ZNF346: variants seen among roughly 807,000 people sequenced by gnomAD.
ZNF346 encodes the protein zinc finger protein 346.
ZNF346 carries 23 observed loss-of-function variants against 33.7 expected under a neutral mutation model. The observed-to-expected ratio is 0.68, with a 90% CI of 0.49 to 0.97. The LOEUF (loss-of-function observed/expected upper bound fraction) is 0.97, where lower values mean the gene tolerates loss of function less well. ZNF346 is among the 50% of genes least tolerant of loss of function. The probability of loss-of-function intolerance (pLI) is 0.00; values close to 1 mark genes in which losing one functional copy is unlikely to be tolerated. For missense variants in ZNF346, 340 were observed against 371.1 expected, an observed-to-expected ratio of 0.92 and a Z score of 0.69; for synonymous variants, 134 against 142.4, an observed-to-expected ratio of 0.94 and a Z score of 0.42.
rs1783789629 is a variant in ZNF346 at position 177,077,154 on chromosome 5, T to C, written c.*3-2228T>C. On this transcript the variant is annotated intron_variant, in intron 8 of 8. Transcript: ENST00000503039. The surrounding 1 kb of genome is among the most constrained non-coding windows in gnomAD (Gnocchi z 5.0). Reference sequence around the variant, plus strand: ...CGTTAAGTTTAAAAGTAATGTGTTATGAAGCAATGGATAACTAATACAGGT... The same window carrying C: ...CGTTAAGTTTAAAAGTAATGTGTTACGAAGCAATGGATAACTAATACAGGT... 6.6e-6 allele frequency among the ~76,000 whole-genome samples: 1 copy of C among 152,262 alleles called. No homozygotes were observed. Among genetic ancestry groups the C allele is most frequent in the South Asian group, 2.1e-4 (1 of 4,838 alleles).
At chr5:177,060,392 A>G (rs251849) in intron 5 of ZNF346, among the ~76,000 whole-genome samples, 87,745 of 151,540 alleles carry the variant, frequency 0.58, 27,130 homozygotes, top group African/African-American at 0.81. Flanking sequence ...GTGGTGGTGC[A>G]CGCCTGTAAT....
intron 8 of ZNF346, among the ~76,000 whole-genome samples, chr5:177,076,935 G>GGAGGCT (rs1302820197): frequency 6.6e-6 from 1 of 152,124 alleles, no homozygotes; most frequent in African/African-American, 2.4e-5. Context: ...CAGCTACTTG[G>GGAGGCT]GAGGCTGAGG....
chr5:177,062,976 A>G (rs150125747), intron 6 of ZNF346, among the ~76,000 whole-genome samples: 4 of 152,188 alleles, frequency 2.6e-5, no homozygotes, highest in Non-Finnish European at 5.9e-5. Context: ...ATATGAAGAG[A>G]ATAGGGCCTG....
chr5:177,039,601 A>G (rs1280568750), intron 1 of ZNF346, among the ~76,000 whole-genome samples: 2 of 152,084 alleles, frequency 1.3e-5, no homozygotes, highest in Admixed American at 6.5e-5. Context: ...AGCTGGAACC[A>G]CAGGCATGTG....
At chr5:177,031,057 A>T (rs568223655) in intron 1 of ZNF346, among the ~76,000 whole-genome samples, 1 of 151,496 alleles carries the variant, frequency 6.6e-6, no homozygotes, top group African/African-American at 2.4e-5. Context: ...TTGTTTTGAG[A>T]CAGAGTCTCG....
At chr5:177,031,092 G>A (rs1432159578) in intron 1 of ZNF346, among the ~76,000 whole-genome samples, 4 of 152,026 alleles carry the variant, frequency 2.6e-5, no homozygotes, top group African/African-American at 9.7e-5. Context: ...CTGGAGTGCA[G>A]TGGCGCGATC....
chr5:177,040,073 C>G (rs985243804), intron 1 of ZNF346, among the ~76,000 whole-genome samples: 1 of 151,220 alleles, frequency 6.6e-6, no homozygotes, highest in South Asian at 2.1e-4. Context: ...CCCAACTACT[C>G]GGGAGGCTGA....
At chr5:177,061,174 C>T (rs1273079031) in intron 5 of ZNF346, among the ~76,000 whole-genome samples, 2 of 146,000 alleles carry the variant, frequency 1.4e-5, no homozygotes, top group East Asian at 2.1e-4. Context: ...AGGCCGGGTG[C>T]GGTAGCTCAC....
chr5:177,033,445 G>A (rs1778010078), intron 1 of ZNF346, among the ~76,000 whole-genome samples: 2 of 152,146 alleles, frequency 1.3e-5, no homozygotes, highest in South Asian at 4.1e-4. Context: ...CTAATAAGCT[G>A]GGTAGTAAAT....
At chr5:177,057,307 C>A (rs960500828) in intron 5 of ZNF346, among the ~76,000 whole-genome samples, 1 of 134,080 alleles carries the variant, frequency 7.5e-6, no homozygotes. Context: ...AAAAAAAAGA[C>A]CTGTGTCTCT....
chr5:177,064,738 C>G lies in ZNF346; in HGVS notation c.*139C>G, dbSNP rs144050595. ...GAGGCAGGATTGGGCCACAGACAGC[C>G]TCTCATTGGTCCGGGCTAATTCACT... is the stretch of plus-strand genomic sequence containing the variant. On this transcript the variant is annotated 3_prime_UTR_variant, in exon 7 of 7. Transcript: ENST00000358149. 1.8e-4 allele frequency: 128 copies of G among 692,104 alleles called. 1 individual carries two copies. The African/African-American group carries it at 1.9e-3, about 10-fold the overall frequency. The allele number at this position is 692,104 out of a possible 1,614,324, so 42.9% of individuals were successfully genotyped here. A position where few individuals can be genotyped will look rare whatever the true frequency, so the allele number is the denominator to read the frequency against.
At chr5:177,079,595 G>T (rs184595990) in exon 9 of ZNF346, 42 of 152,300 alleles carry the variant, frequency 2.8e-4, no homozygotes, top group African/African-American at 9.9e-4. Context: ...ACCTCTGGAC[G>T]TGGGGCTAAG....
At chr5:177,046,300 CA>C (rs34466141) in intron 4 of ZNF346, among the ~76,000 whole-genome samples, 58,061 of 102,124 alleles carry the variant, frequency 0.57, 13,244 homozygotes, top group African/African-American at 0.7. Flanking sequence ...GACCTCGTCT[CA>C]AAAAAAAAAA....
Position 177,044,347 on chromosome 5 carries a change from G to A in ZNF346, c.373-42G>A, listed in dbSNP as rs752098958. On this transcript the variant is annotated intron_variant, in intron 3 of 6. Coordinates refer to ENST00000358149, the MANE Select transcript of ZNF346 (RefSeq NM_012279.4). ...GGGAACCATTGAAGATTTTCTGGTGGGGCAGTGGTATGATCAGACCTGTGT... is the reference window on the plus strand; with the variant it reads ...GGGAACCATTGAAGATTTTCTGGTGAGGCAGTGGTATGATCAGACCTGTGT... 89 of 1,610,768 alleles carry A rather than the reference G, an allele frequency of 5.5e-5. 1 individual carries two copies. Among genetic ancestry groups the A allele is most frequent in the Non-Finnish European group, 7.4e-5 (87 of 1,178,120 alleles).
Position 177,064,399 on chromosome 5 carries a change from G to A in ZNF346, c.798-113G>A, listed in dbSNP as rs1782932057. ...CAGCCCACAGTGGACCTCAGTGAAG[G>A]AAAGGTGTCCTGTCTATTACTCCAA... On this transcript the variant is annotated intron_variant, in intron 6 of 6. Coordinates refer to ENST00000358149, the MANE Select transcript of ZNF346 (RefSeq NM_012279.4). 1.0e-5 allele frequency: 8 copies of A among 781,678 alleles called. No individual in the cohort carries two copies. The South Asian group carries it at 1.2e-4, about 12-fold the overall frequency. 48.4% of individuals were successfully genotyped at this position (781,678 alleles called of 1,614,324 possible). A position where few individuals can be genotyped will look rare whatever the true frequency, so the allele number is the denominator to read the frequency against.
At chr5:177,061,958 C>G in intron 5 of ZNF346, 100 bp from the exon 6 acceptor site, 1 of 1,025,246 alleles carries the variant, frequency 9.8e-7, no homozygotes, top group Non-Finnish European at 1.5e-6. Flanking sequence ...CCTCGCCTCA[C>G]CTGTCCGTCC....
At chr5:177,038,602 G>A (rs1240836789) in intron 1 of ZNF346, among the ~76,000 whole-genome samples, 2 of 151,942 alleles carry the variant, frequency 1.3e-5, no homozygotes, top group East Asian at 3.9e-4. Flanking sequence ...ATATATTTGT[G>A]TGGACTATGT....
intron 5 of ZNF346, among the ~76,000 whole-genome samples, chr5:177,060,817 TA>T (rs1214489951): frequency 2.6e-5 from 3 of 117,042 alleles, no homozygotes; most frequent in Non-Finnish European, 5.1e-5. Context: ...TCTAAATAAA[TA>T]AATAAGTTGT....
chr5:177,034,922 G>A (rs1203210051), intron 1 of ZNF346, among the ~76,000 whole-genome samples: 1 of 152,184 alleles, frequency 6.6e-6, no homozygotes, highest in East Asian at 1.9e-4. Context: ...GTCACCTATT[G>A]GAACATGTAT....
Sources: gnomAD v4.1 joint callset for allele counts (sites outside exome capture counted in the v4.1 genomes callset) on GRCh38, gnomAD v4.1.1 for gene constraint, Gnocchi (gnomAD v3.1) non-coding constraint, MANE v1.5 for transcripts, NCBI Gene and HGNC (gene_info 2026-07-23, HGNC 2026-07-21) for gene names.